The following APBB2 variants were observed in gnomAD, a reference collection of about 807,000 sequenced individuals.
APBB2 encodes the protein Fe65-like 1.
A neutral mutation model predicts 82.5 loss-of-function variants in APBB2; 38 were observed. The ratio of observed to expected loss-of-function variants is 0.46; its 90% CI spans 0.36 to 0.60. The LOEUF (loss-of-function observed/expected upper bound fraction) is 0.60. Among genes scored for constraint, APBB2 ranks in the 20% least tolerant of loss-of-function variants. The pLI is 0.00. For synonymous variants in APBB2, 341 were observed against 368.2 expected, an observed-to-expected ratio of 0.93 and a Z score of 0.85; for missense variants, 772 against 972.3, an observed-to-expected ratio of 0.79 and a Z score of 2.74.
At chr4:41,057,268 T>A (rs1344892693) in intron 4 of APBB2, among the ~76,000 whole-genome samples, 1 of 152,030 alleles carries the variant, frequency 6.6e-6, no homozygotes, top group African/African-American at 2.4e-5. Flanking sequence ...CTGGCCAAAA[T>A]GGTGAAACCC....
At chr4:40,997,782 T>C (rs1340493734) in intron 6 of APBB2, among the ~76,000 whole-genome samples, 1 of 152,232 alleles carries the variant, frequency 6.6e-6, no homozygotes, top group Non-Finnish European at 1.5e-5. Flanking sequence ...TTAGTGGTTA[T>C]TGTGTTCCCC....
chr4:41,075,024 C>G (rs546940770), intron 3 of APBB2, among the ~76,000 whole-genome samples: 1 of 151,896 alleles, frequency 6.6e-6, no homozygotes, highest in East Asian at 1.9e-4. Flanking sequence ...TCCCAGCTAC[C>G]TGGGGGGCTG....
chr4:41,011,067 T>C (rs939279685), intron 6 of APBB2, among the ~76,000 whole-genome samples: 2 of 152,046 alleles, frequency 1.3e-5, no homozygotes, highest in African/African-American at 4.8e-5. Flanking sequence ...TAGTATTTTA[T>C]ATTAGTATAT....
chr4:40,845,808 T>C (rs1208781794), intron 12 of APBB2, among the ~76,000 whole-genome samples: 1 of 152,078 alleles, frequency 6.6e-6, no homozygotes, highest in Non-Finnish European at 1.5e-5. Context: ...ATGCTTCTTT[T>C]TGATGTTTGT....
At chr4:40,880,150 C>G in intron 12 of APBB2, 1 of 985,352 alleles carries the variant, frequency 1.0e-6, no homozygotes, top group Non-Finnish European at 1.2e-6. Flanking sequence ...ACAGAGCGCC[C>G]CTAACATCAG....
chr4:41,084,705 C>T (rs1033762733), intron 3 of APBB2: 9 of 152,098 alleles, frequency 5.9e-5, no homozygotes, highest in African/African-American at 2.2e-4. Context: ...TGAAGTATTC[C>T]ATATTTTTAA....
At chr4:40,905,650 C>A (rs1195522070) in intron 10 of APBB2, among the ~76,000 whole-genome samples, 1 of 152,176 alleles carries the variant, frequency 6.6e-6, no homozygotes, top group African/African-American at 2.4e-5. Context: ...GAAAAGCAAT[C>A]ATTGTGAGAT....
chr4:41,060,031 G>A (rs1729265518), intron 4 of APBB2, among the ~76,000 whole-genome samples: 1 of 152,000 alleles, frequency 6.6e-6, no homozygotes, highest in Non-Finnish European at 1.5e-5. Flanking sequence ...CCAGAAGCCA[G>A]GACACCCATG....
chr4:40,813,102 T>TAAA lies in APBB2; in HGVS notation c.*2987_*2989dup, dbSNP rs2154291204. ...TGTCTATCTAGCTGCTTTTAAAAAATAAAAGGAACTTTAAGCATTTTGCCT... is the reference window on the plus strand; with the variant it reads ...TGTCTATCTAGCTGCTTTTAAAAAATAAAAAAAGGAACTTTAAGCATTTTGCCT... On this transcript the variant is annotated 3_prime_UTR_variant, in exon 18 of 18. Transcript: ENST00000508593. 6.6e-6 allele frequency: 1 copy of TAAA among 152,274 alleles called. No individual in the cohort carries two copies. Among genetic ancestry groups the TAAA allele is most frequent in the East Asian group, 1.9e-4 (1 of 5,190 alleles). The allele number at this position is 152,274 out of a possible 1,614,324, so 9.4% of individuals were successfully genotyped here.
At chr4:41,135,268 G>A (rs978266349) in intron 2 of APBB2, among the ~76,000 whole-genome samples, 2 of 151,380 alleles carry the variant, frequency 1.3e-5, no homozygotes, top group Non-Finnish European at 2.9e-5. Context: ...GATGCATGAC[G>A]ATTACATTCA....
chr4:41,153,873 G>T (rs1325690959), intron 1 of APBB2, among the ~76,000 whole-genome samples: 2 of 152,232 alleles, frequency 1.3e-5, no homozygotes, highest in East Asian at 3.9e-4. Flanking sequence ...GTTTGAATTT[G>T]CTCTATAAAT....
chr4:41,196,600 T>C, intron 1 of APBB2, among the ~76,000 whole-genome samples: 2 of 62,388 alleles, frequency 3.2e-5, no homozygotes, highest in African/African-American at 1.3e-4. Flanking sequence ...AGCCCCCTGC[T>C]TTTTTTTTTT....
intron 1 of APBB2, among the ~76,000 whole-genome samples, chr4:41,211,301 G>A (rs1199378636): frequency 6.6e-6 from 1 of 151,746 alleles, no homozygotes; most frequent in Non-Finnish European, 1.5e-5. Context: ...ACAAATGCTG[G>A]TTTCCTAACC....
At chr4:40,982,452 AGAATGAAT>A (rs367971087) in intron 6 of APBB2, among the ~76,000 whole-genome samples, 10,938 of 86,862 alleles carry the variant, frequency 0.13, 2,603 homozygotes, top group South Asian at 0.14. Flanking sequence ...AAAGAAAGAA[AGAATGAAT>A]GAATTTGAGA....
chr4:41,179,294 A>C (rs1044003066), intron 1 of APBB2, among the ~76,000 whole-genome samples: 1 of 152,238 alleles, frequency 6.6e-6, no homozygotes, highest in Non-Finnish European at 1.5e-5. Flanking sequence ...ACACAGCCTG[A>C]GATGTCCGAG....
At position 41,026,289 on chromosome 4, in the gene APBB2, G is replaced by A. The variant is rs115491962; in HGVS notation, c.19+6947C>T. 4.1e-3 allele frequency among the ~76,000 whole-genome samples: 621 copies of A among 152,198 alleles called. 6 individuals carry two copies. The highest frequency in any genetic ancestry group is 0.014 in the African/African-American group (600 of 41,510). On this transcript the variant is annotated intron_variant, in intron 5 of 17. Transcript: ENST00000508593. Reference sequence around the variant, plus strand: ...TGAACAACAAAGCCCCATGACATGTGTTTACCTATGTAACAAACCTTCACA... The same window carrying A: ...TGAACAACAAAGCCCCATGACATGTATTTACCTATGTAACAAACCTTCACA...
intron 6 of APBB2, among the ~76,000 whole-genome samples, chr4:41,006,083 T>C (rs961736218): frequency 3.9e-5 from 6 of 152,262 alleles, no homozygotes; most frequent in Non-Finnish European, 5.9e-5. Flanking sequence ...TACCTTATGA[T>C]GGAAGGCAAC....
chr4:40,890,285 C>G lies in APBB2; in HGVS notation c.1529+79G>C, dbSNP rs905447273. 3 of 1,518,876 alleles carry G rather than the reference C, an allele frequency of 2.0e-6. No homozygotes were observed. In the African/African-American group the frequency reaches 4.2e-5, roughly 21 times the overall value. 94.1% of individuals were successfully genotyped at this position (1,518,876 alleles called of 1,614,324 possible). ...CATGAGTTTCGTATTCCGTGAAATG[C>G]TGCGAGCCCATGCTTTGGTGTTCAG... is the stretch of plus-strand genomic sequence containing the variant. On this transcript the variant is annotated intron_variant, in intron 12 of 17. Coordinates refer to ENST00000508593, the MANE Select transcript of APBB2 (RefSeq NM_004307.2).
intron 12 of APBB2, among the ~76,000 whole-genome samples, chr4:40,868,314 G>A (rs1764556079): frequency 6.6e-6 from 1 of 152,232 alleles, no homozygotes; most frequent in Admixed American, 6.5e-5. Flanking sequence ...AGTGGATTCT[G>A]ACATGCACTT....
Sources: gnomAD v4.1 joint callset for allele counts (sites outside exome capture counted in the v4.1 genomes callset) on GRCh38, gnomAD v4.1.1 for gene constraint, MANE v1.5 for transcripts, NCBI Gene and HGNC (gene_info 2026-07-23, HGNC 2026-07-21) for gene names.